The following TMEM131 variants were observed in gnomAD, a reference collection of about 807,000 sequenced individuals.
The protein encoded by TMEM131 is transmembrane protein 131.
TMEM131 carries 66 observed loss-of-function variants against 211.6 expected under a neutral mutation model. The ratio of observed to expected loss-of-function variants is 0.31; its 90% CI spans 0.26 to 0.38. The LOEUF is 0.38. Ranked by LOEUF, TMEM131 falls within the 10% of genes least tolerant of loss-of-function variation. The probability of loss-of-function intolerance (pLI) is 1.00; values close to 1 mark genes in which losing one functional copy is unlikely to be tolerated. For synonymous variants in TMEM131, 844 were observed against 841.3 expected, an observed-to-expected ratio of 1.00 and a Z score of -0.06; for missense variants, 2,036 against 2,299.3, an observed-to-expected ratio of 0.89 and a Z score of 2.34.
intron 2 of TMEM131, among the ~76,000 whole-genome samples, chr2:97,923,398 G>A (rs1676825983): frequency 6.6e-6 from 1 of 152,100 alleles, no homozygotes; most frequent in Non-Finnish European, 1.5e-5. Context: ...TGAGATGGGA[G>A]GACTGCTTGA....
chr2:97,864,153 T>C (rs1042803722), intron 4 of TMEM131, among the ~76,000 whole-genome samples: 1 of 152,218 alleles, frequency 6.6e-6, no homozygotes, highest in Non-Finnish European at 1.5e-5. Context: ...ATGTTCTCAC[T>C]ATTTGTGGGA....
intron 2 of TMEM131, among the ~76,000 whole-genome samples, chr2:97,918,694 T>C (rs905211001): frequency 1.3e-5 from 2 of 152,150 alleles, no homozygotes; most frequent in East Asian, 3.8e-4. Flanking sequence ...TGTGTAGACC[T>C]TGTCTCGATC....
At chr2:97,766,742 T>G (rs1276828970) in intron 33 of TMEM131, 140 bp from the exon 34 acceptor site, 7 of 1,012,598 alleles carry the variant, frequency 6.9e-6, no homozygotes, top group Non-Finnish European at 8.7e-6. Flanking sequence ...CTACCCTTGG[T>G]CCTAACTCAG....
intron 7 of TMEM131, among the ~76,000 whole-genome samples, chr2:97,840,362 CAGCACCCTTGG>C (rs1559393538): frequency 1.3e-5 from 2 of 152,204 alleles, no homozygotes; most frequent in East Asian, 1.9e-4. Flanking sequence ...CACAATGAGG[CAGCACCCTTGG>C]GGCACCCTGT....
intron 11 of TMEM131, among the ~76,000 whole-genome samples, chr2:97,818,923 T>C (rs1011454718): frequency 2.0e-5 from 3 of 152,142 alleles, no homozygotes; most frequent in Non-Finnish European, 4.4e-5. Flanking sequence ...TAAAAGAAAA[T>C]GACCAGAGAA....
At chr2:97,771,251 A>G (rs1390053020) in intron 33 of TMEM131, among the ~76,000 whole-genome samples, 2 of 152,210 alleles carry the variant, frequency 1.3e-5, no homozygotes, top group African/African-American at 4.8e-5. Flanking sequence ...AAGCACCACC[A>G]TATACTGTAT....
At chr2:97,842,041 T>A (rs1319760283) in intron 6 of TMEM131, 104 bp from the exon 7 acceptor site, 1 of 1,105,474 alleles carries the variant, frequency 9.0e-7, no homozygotes, top group Non-Finnish European at 1.2e-6. Context: ...AATTTATGTA[T>A]AAAAAATTAA....
intron 14 of TMEM131, 25 bp from the exon 15 acceptor site, chr2:97,814,166 A>G (rs769581956): frequency 4.3e-6 from 7 of 1,612,398 alleles, no homozygotes; most frequent in Middle Eastern, 3.3e-4. Context: ...AAGAGAAAAA[A>G]AACAAAGTGT....
rs543721892 is a variant in TMEM131, at chr2:97,779,543, T to C, written c.4145-3525A>G. ...AAAGGAGAGACTCTTCCAAATCTTT[T>C]GTTAGGTCAGTAGTTCTCAAAGTGT... On this transcript the variant is annotated intron_variant, in intron 31 of 40. Coordinates refer to ENST00000186436, the MANE Select transcript of TMEM131 (RefSeq NM_015348.2). Among the ~76,000 whole-genome samples the C allele has an allele frequency of 2.6e-5, 4 of 152,312 alleles. No homozygotes were observed. The South Asian group carries it at 6.2e-4, about 24-fold the overall frequency.
chr2:97,921,100 C>A (rs951062306), intron 2 of TMEM131, among the ~76,000 whole-genome samples: 1 of 151,620 alleles, frequency 6.6e-6, no homozygotes, highest in Non-Finnish European at 1.5e-5. Context: ...ATTTGTTCTA[C>A]CAAATATCAA....
intron 4 of TMEM131, among the ~76,000 whole-genome samples, chr2:97,860,936 C>T (rs1371901469): frequency 6.6e-6 from 1 of 152,198 alleles, no homozygotes; most frequent in Non-Finnish European, 1.5e-5. Flanking sequence ...ACCTACCCCA[C>T]TCCACCCGGC....
chr2:97,833,455 C>T (rs1682798725), intron 10 of TMEM131, 29 bp from the exon 11 acceptor site: 3 of 1,093,680 alleles, frequency 2.7e-6, no homozygotes, highest in Admixed American at 2.6e-5. Context: ...AGAAATATTT[C>T]TTAAAAAGGT....
intron 3 of TMEM131, among the ~76,000 whole-genome samples, chr2:97,899,888 A>G (rs1675776418): frequency 6.6e-6 from 1 of 152,166 alleles, no homozygotes; most frequent in Non-Finnish European, 1.5e-5. Context: ...CTTTTATGGT[A>G]AGAACACAAA....
intron 8 of TMEM131, among the ~76,000 whole-genome samples, chr2:97,835,232 C>T (rs1682885923): frequency 6.6e-6 from 1 of 152,162 alleles, no homozygotes; most frequent in Non-Finnish European, 1.5e-5. Context: ...AACTAATCTA[C>T]AAAATCAGTT....
At chr2:97,861,047 A>G (rs1210150421) in intron 4 of TMEM131, among the ~76,000 whole-genome samples, 2 of 152,236 alleles carry the variant, frequency 1.3e-5, no homozygotes, top group Non-Finnish European at 2.9e-5. Context: ...CTGTCACAGC[A>G]GAAAGCAAAA....
Position 97,848,310 on chromosome 2 carries a change from A to C in TMEM131, c.484-4049T>G, listed in dbSNP as rs145502951. 2.3e-3 allele frequency among the ~76,000 whole-genome samples: 348 copies of C among 152,316 alleles called. 2 individuals carry two copies. The highest frequency in any genetic ancestry group is 7.5e-3 in the African/African-American group (311 of 41,582). ...ATACCATAAACAAACAGTAGCTAAA[A>C]ATGGACTGTAGATCTAAATATAAAA... is the stretch of plus-strand genomic sequence containing the variant. On this transcript the variant is annotated intron_variant, in intron 5 of 40. Coordinates refer to ENST00000186436, the MANE Select transcript of TMEM131 (RefSeq NM_015348.2).
chr2:97,892,703 G>A (rs948712339), intron 3 of TMEM131, among the ~76,000 whole-genome samples: 3 of 151,986 alleles, frequency 2.0e-5, no homozygotes, highest in Non-Finnish European at 4.4e-5. Context: ...GTATTTTAAA[G>A]CTTTGTCCAG....
chr2:97,766,334 C>G, intron 34 of TMEM131, 71 bp from the exon 35 acceptor site: 5 of 1,605,080 alleles, frequency 3.1e-6, no homozygotes, highest in Non-Finnish European at 4.3e-6. Flanking sequence ...TTTCAATGAA[C>G]CTTCTAATGA....
At chr2:97,783,095 A>C (rs1680091600) in intron 31 of TMEM131, among the ~76,000 whole-genome samples, 1 of 152,158 alleles carries the variant, frequency 6.6e-6, no homozygotes, top group South Asian at 2.1e-4. Context: ...AAAATGACAC[A>C]TTATCTATAA....
Sources: allele counts gnomAD v4.1 joint callset (sites outside exome capture counted in the v4.1 genomes callset), GRCh38; gene constraint gnomAD v4.1.1; transcripts MANE v1.5; gene names NCBI Gene and HGNC (gene_info 2026-07-23, HGNC 2026-07-21).